CNTNAP2: variants seen among roughly 807,000 people sequenced by gnomAD.
The protein encoded by CNTNAP2 is contactin-associated protein-like 2.
CNTNAP2 carries 98 observed loss-of-function variants against 155.2 expected under a neutral mutation model. The ratio of observed to expected loss-of-function variants is 0.63; its 90% CI spans 0.54 to 0.75. The LOEUF (loss-of-function observed/expected upper bound fraction) is 0.75. CNTNAP2 is among the 30% of genes least tolerant of loss of function. The probability of loss-of-function intolerance (pLI) is 0.00; values close to 1 mark genes in which losing one functional copy is unlikely to be tolerated. For synonymous variants in CNTNAP2, 651 were observed against 631.2 expected, an observed-to-expected ratio of 1.03 and a Z score of -0.47; for missense variants, 1,727 against 1,688.1, an observed-to-expected ratio of 1.02 and a Z score of -0.40.
intron 13 of CNTNAP2, among the ~76,000 whole-genome samples, chr7:147,691,049 A>G (rs1190516896): frequency 2.0e-5 from 3 of 152,152 alleles, no homozygotes; most frequent in East Asian, 1.9e-4. Flanking sequence ...GAGTAAAACA[A>G]AGGGAAAACA....
intron 1 of CNTNAP2, among the ~76,000 whole-genome samples, chr7:146,330,622 A>G (rs1211010954): frequency 6.6e-6 from 1 of 152,208 alleles, no homozygotes; most frequent in Non-Finnish European, 1.5e-5. Flanking sequence ...GAAGGGAGAA[A>G]CAAACCATAC....
chr7:146,121,119 C>CTGTTTTTTTTT (rs1797556393), intron 1 of CNTNAP2, among the ~76,000 whole-genome samples: 1 of 65,762 alleles, frequency 1.5e-5, no homozygotes, highest in East Asian at 5.2e-4. Flanking sequence ...ATAAAGCTTC[C>CTGTTTTTTTTT]TTTTTTTTTT....
intron 1 of CNTNAP2, among the ~76,000 whole-genome samples, chr7:146,249,718 C>T (rs1387722165): frequency 6.6e-6 from 1 of 152,112 alleles, no homozygotes; most frequent in African/African-American, 2.4e-5. Context: ...TCATTAGACA[C>T]TTTTCATTAT....
intron 21 of CNTNAP2, among the ~76,000 whole-genome samples, chr7:148,319,281 T>C (rs1166690153): frequency 1.3e-5 from 2 of 152,218 alleles, no homozygotes; most frequent in Non-Finnish European, 2.9e-5. Context: ...GCAAAATAGA[T>C]TGTGACTAAC....
intron 1 of CNTNAP2, among the ~76,000 whole-genome samples, chr7:146,219,071 C>T (rs1291065000): frequency 3.9e-5 from 6 of 152,246 alleles, no homozygotes; most frequent in Admixed American, 2.6e-4. Flanking sequence ...AAAGAGACGC[C>T]AGGACCTTCT....
chr7:146,240,639 C>T (rs574098007), intron 1 of CNTNAP2, among the ~76,000 whole-genome samples: 11 of 152,014 alleles, frequency 7.2e-5, no homozygotes, highest in African/African-American at 2.4e-4. Flanking sequence ...AGGAGGTAGA[C>T]ATTTTTTCTC....
rs898084892 is a variant in CNTNAP2, at chr7:146,831,711, TTGTC to T, written c.209-7994_209-7991del. Among the ~76,000 whole-genome samples the T allele has an allele frequency of 6.8e-4, 101 of 149,136 alleles. 1 individual carries two copies. The highest frequency in any genetic ancestry group is 2.4e-4 in the Non-Finnish European group (16 of 67,504). On this transcript the variant is annotated intron_variant, in intron 2 of 23. Transcript: ENST00000361727. Reference sequence around the variant, plus strand: ...AAAAAAAAAAAAAGTTAAAGCCACTTTGTCTGTCTTATTATGTCTTAGCTTGTCT... The same window carrying T: ...AAAAAAAAAAAAAGTTAAAGCCACTTTGTCTTATTATGTCTTAGCTTGTCT...
chr7:147,667,072 A>G (rs1298354941), intron 13 of CNTNAP2, among the ~76,000 whole-genome samples: 1 of 152,204 alleles, frequency 6.6e-6, no homozygotes, highest in African/African-American at 2.4e-5. Context: ...ATGTTGAAAG[A>G]AAAGGCTGGA....
intron 1 of CNTNAP2, among the ~76,000 whole-genome samples, chr7:146,466,549 A>G (rs1796720042): frequency 6.6e-6 from 1 of 152,038 alleles, no homozygotes; most frequent in South Asian, 2.1e-4. Context: ...CTATCTTTTC[A>G]CCCTTTTCCC....
At chr7:148,252,149 A>C (rs1196236969) in intron 20 of CNTNAP2, among the ~76,000 whole-genome samples, 1 of 152,204 alleles carries the variant, frequency 6.6e-6, no homozygotes, top group African/African-American at 2.4e-5. Flanking sequence ...TCCTACATTT[A>C]GGCCCAGAAT....
At chr7:147,153,541 GC>G (rs912124528) in intron 8 of CNTNAP2, among the ~76,000 whole-genome samples, 59 of 152,204 alleles carry the variant, frequency 3.9e-4, no homozygotes, top group African/African-American at 1.2e-3. Context: ...AACATTCCAG[GC>G]AGAGAGAAAA....
intron 15 of CNTNAP2, among the ~76,000 whole-genome samples, chr7:148,113,397 G>A (rs1030570023): frequency 6.6e-6 from 1 of 152,110 alleles, no homozygotes; most frequent in Non-Finnish European, 1.5e-5. Context: ...CAAGGGCAAT[G>A]GTGCTAAACT....
chr7:147,034,333 C>T (rs767517483), intron 3 of CNTNAP2, among the ~76,000 whole-genome samples: 1 of 152,204 alleles, frequency 6.6e-6, no homozygotes, highest in Non-Finnish European at 1.5e-5. Flanking sequence ...TTTTCCTCTT[C>T]ACAGGGCAAG....
At chr7:147,808,489 G>A (rs1287869843) in intron 13 of CNTNAP2, among the ~76,000 whole-genome samples, 1 of 152,110 alleles carries the variant, frequency 6.6e-6, no homozygotes, top group Non-Finnish European at 1.5e-5. Flanking sequence ...ATGTATATTT[G>A]CACTCATTCT....
At chr7:146,889,318 G>C (rs1325734301) in intron 3 of CNTNAP2, among the ~76,000 whole-genome samples, 1 of 152,088 alleles carries the variant, frequency 6.6e-6, no homozygotes, top group East Asian at 1.9e-4. Flanking sequence ...CTTTGATACA[G>C]AGAAACTCCA....
chr7:147,882,793 C>T (rs1367898251), intron 13 of CNTNAP2, among the ~76,000 whole-genome samples: 1 of 34,312 alleles, frequency 2.9e-5, no homozygotes, highest in African/African-American at 1.2e-4. Flanking sequence ...CCAGGAAATC[C>T]AATAAGTGGA....
chr7:147,156,831 C>G (rs1801935412), intron 8 of CNTNAP2, among the ~76,000 whole-genome samples: 1 of 152,022 alleles, frequency 6.6e-6, no homozygotes, highest in East Asian at 1.9e-4. Context: ...TGGCATCTTC[C>G]TAGAGGAGAT....
chr7:147,223,950 A>G (rs933635247), intron 8 of CNTNAP2, among the ~76,000 whole-genome samples: 2 of 151,692 alleles, frequency 1.3e-5, no homozygotes, highest in Non-Finnish European at 2.9e-5. Context: ...AAAAAAAAAA[A>G]AAAAAAGAAA....
At chr7:147,017,960 C>T (rs1798753632) in intron 3 of CNTNAP2, among the ~76,000 whole-genome samples, 1 of 151,992 alleles carries the variant, frequency 6.6e-6, no homozygotes, top group Non-Finnish European at 1.5e-5. Flanking sequence ...GCTGGAACCA[C>T]TAACATCTCT....
Sources: gnomAD v4.1 joint callset for allele counts (sites outside exome capture counted in the v4.1 genomes callset) on GRCh38, gnomAD v4.1.1 for gene constraint, MANE v1.5 for transcripts, NCBI Gene and HGNC (gene_info 2026-07-23, HGNC 2026-07-21) for gene names.